Variants in GALNT16 observed in about 807,000 individuals in gnomAD.
GALNT16 encodes the protein UDP-GalNAc:polypeptide N-acetylgalactosaminyltransferase-like protein 1.
In GALNT16, 40 loss-of-function variants were observed where a neutral mutation model predicts 76.1. That is an observed-to-expected ratio of 0.53 (90% confidence interval 0.41 to 0.68). The LOEUF (loss-of-function observed/expected upper bound fraction) is 0.68, where lower values mean the gene tolerates loss of function less well. Among genes scored for constraint, GALNT16 ranks in the 30% least tolerant of loss-of-function variants. The pLI is 0.00. For missense variants in GALNT16, 621 were observed against 731.9 expected, an observed-to-expected ratio of 0.85 and a Z score of 1.75; for synonymous variants, 276 against 285.2, an observed-to-expected ratio of 0.97 and a Z score of 0.32.
At chr14:69,343,141 G>T (rs537021331) in intron 12 of GALNT16, among the ~76,000 whole-genome samples, 1 of 152,294 alleles carries the variant, frequency 6.6e-6, no homozygotes, top group South Asian at 2.1e-4. Context: ...TCTAAAAGCC[G>T]CATGCGCCCT....
chr14:69,362,427 C>A, the GALNT16 span, among the ~76,000 whole-genome samples: 2 of 152,266 alleles, frequency 1.3e-5, no homozygotes, highest in African/African-American at 2.4e-5. Flanking sequence ...TCTCTGCATG[C>A]TCATTAAGCA....
the GALNT16 span, among the ~76,000 whole-genome samples, chr14:69,371,638 TTTG>T: frequency 4.6e-5 from 7 of 151,926 alleles, no homozygotes; most frequent in Admixed American, 2.6e-4. Context: ...CTCTTAAGAG[TTTG>T]TTTTGTAATA....
Position 69,267,317 on chromosome 14 carries a change from G to A in GALNT16, c.177+6850G>A, listed in dbSNP as rs984423943. 2.0e-5 allele frequency among the ~76,000 whole-genome samples: 3 copies of A among 152,210 alleles called. No individual in the cohort carries two copies. The East Asian group carries it at 5.8e-4, about 29-fold the overall frequency. The stretch of plus-strand genomic sequence containing the variant: ...GAGTGGCAGGCCAGAGGTACTTTGG[G>A]AAAGAGGGGGCGACTGGAAGAAGCT... On this transcript the variant is annotated intron_variant, in intron 1 of 14. Coordinates refer to ENST00000448469, the MANE Select transcript of GALNT16 (RefSeq NM_001168368.2).
intron 12 of GALNT16, among the ~76,000 whole-genome samples, chr14:69,343,627 A>T (rs1430677205): frequency 6.6e-6 from 1 of 152,248 alleles, no homozygotes; most frequent in Non-Finnish European, 1.5e-5. Flanking sequence ...GAGACCCTGA[A>T]GAAAAAAGAG....
At chr14:69,365,806 C>G in the GALNT16 span, among the ~76,000 whole-genome samples, 3 of 152,094 alleles carry the variant, frequency 2.0e-5, no homozygotes, top group African/African-American at 7.2e-5. Context: ...ACACTGCTGG[C>G]TATTTGAATG....
chr14:69,282,638 T>C (rs2044559389), intron 1 of GALNT16, among the ~76,000 whole-genome samples: 1 of 150,636 alleles, frequency 6.6e-6, no homozygotes, highest in Non-Finnish European at 1.5e-5. Flanking sequence ...AGTGCAGGCT[T>C]AAGAATTTGT....
the GALNT16 span, among the ~76,000 whole-genome samples, chr14:69,366,178 G>A: frequency 6.6e-6 from 1 of 152,220 alleles, no homozygotes; most frequent in Non-Finnish European, 1.5e-5. Flanking sequence ...AGGAATGAAT[G>A]AATGACATGA....
intron 10 of GALNT16, 84 bp downstream of exon 10, chr14:69,338,861 C>A: frequency 1.8e-6 from 2 of 1,117,314 alleles, no homozygotes; most frequent in Non-Finnish European, 1.3e-6. Context: ...CACTATGTGA[C>A]TGTGGGCAGC....
intron 7 of GALNT16, among the ~76,000 whole-genome samples, chr14:69,331,799 T>G (rs950429658): frequency 6.6e-6 from 1 of 152,244 alleles, no homozygotes; most frequent in African/African-American, 2.4e-5. Flanking sequence ...TCTCTCATCT[T>G]TCCCTCCCTC....
chr14:69,285,172 C>T (rs1432990239), intron 1 of GALNT16, among the ~76,000 whole-genome samples: 1 of 144,128 alleles, frequency 6.9e-6, no homozygotes. Context: ...TCTCGAGTAG[C>T]TGGGACTACA....
intron 1 of GALNT16, among the ~76,000 whole-genome samples, chr14:69,300,809 A>G (rs2044840886): frequency 6.6e-6 from 1 of 150,886 alleles, no homozygotes; most frequent in Non-Finnish European, 1.5e-5. Context: ...CTACCCCCAC[A>G]CTCCCCTCCC....
At chr14:69,285,461 T>C (rs1207775509) in intron 1 of GALNT16, among the ~76,000 whole-genome samples, 1 of 151,486 alleles carries the variant, frequency 6.6e-6, no homozygotes, top group African/African-American at 2.4e-5. Flanking sequence ...GGTTTTCTCA[T>C]CATTACTGTT....
chr14:69,339,148 G>A (rs978350888), intron 10 of GALNT16, among the ~76,000 whole-genome samples: 2 of 152,146 alleles, frequency 1.3e-5, no homozygotes, highest in Admixed American at 6.5e-5. Flanking sequence ...GCTACAGGGT[G>A]CACTAGTCTC....
intron 1 of GALNT16, among the ~76,000 whole-genome samples, chr14:69,307,496 C>A (rs965993875): frequency 2.6e-5 from 4 of 152,064 alleles, no homozygotes; most frequent in Admixed American, 6.6e-5. Flanking sequence ...CTTGCTGAAC[C>A]CCCTCCTTTT....
Position 69,333,050 on chromosome 14 carries a change from C to G in GALNT16, c.779-35C>G. The stretch of plus-strand genomic sequence containing the variant: ...GGGTCTCAGCAGCCCGCAGCTCTGC[C>G]CTGAGCTCTGTCCTCACCTTGCTGT... On this transcript the variant is annotated intron_variant, in intron 7 of 14. Coordinates refer to ENST00000448469, the MANE Select transcript of GALNT16 (RefSeq NM_001168368.2). The surrounding 1 kb of genome is among the most constrained non-coding windows in gnomAD (Gnocchi z 4.2). The G allele has an allele frequency of 6.7e-7, 1 of 1,489,362 alleles. No homozygotes were observed. The highest frequency in any genetic ancestry group is 1.1e-5 in the South Asian group (1 of 88,530). The allele number at this position is 1,489,362 out of a possible 1,614,324, so 92.3% of individuals were successfully genotyped here. A position where few individuals can be genotyped will look rare whatever the true frequency, so the allele number is the denominator to read the frequency against.
chr14:69,328,186 A>G (rs967519845), intron 5 of GALNT16, among the ~76,000 whole-genome samples: 8 of 152,138 alleles, frequency 5.3e-5, no homozygotes, highest in Admixed American at 3.9e-4. Flanking sequence ...GTGACTGTTC[A>G]TCAGTGTGTC....
chr14:69,285,231 G>A (rs1366984869), intron 1 of GALNT16, among the ~76,000 whole-genome samples: 2 of 151,888 alleles, frequency 1.3e-5, no homozygotes, highest in South Asian at 2.1e-4. Context: ...TAGTAGAGAC[G>A]GGGTTTCACC....
At chr14:69,318,027 C>T (rs944652753) in intron 1 of GALNT16, among the ~76,000 whole-genome samples, 1 of 152,204 alleles carries the variant, frequency 6.6e-6, no homozygotes, top group Non-Finnish European at 1.5e-5. Flanking sequence ...CCTACCCTTC[C>T]TCAGGATCCC....
chr14:69,314,201 C>T (rs1025456413), intron 1 of GALNT16, among the ~76,000 whole-genome samples: 3 of 152,214 alleles, frequency 2.0e-5, no homozygotes, highest in Non-Finnish European at 4.4e-5. Flanking sequence ...AATAACAATT[C>T]GTTAGTTAAT....
Sources: allele counts gnomAD v4.1 joint callset (sites outside exome capture counted in the v4.1 genomes callset), GRCh38; gene constraint gnomAD v4.1.1; non-coding constraint Gnocchi (gnomAD v3.1); transcripts MANE v1.5; gene names NCBI Gene and HGNC (gene_info 2026-07-23, HGNC 2026-07-21).